Variants in MARCHF1 observed in about 807,000 individuals in gnomAD.
The protein encoded by MARCHF1 is E3 ubiquitin-protein ligase MARCHF1.
In MARCHF1, 40 loss-of-function variants were observed where a neutral mutation model predicts 54.2. The ratio of observed to expected loss-of-function variants is 0.74; its 90% CI spans 0.57 to 0.96. The LOEUF is 0.96. Ranked by LOEUF, MARCHF1 falls within the 40% of genes least tolerant of loss-of-function variation. The pLI is 0.00. For synonymous variants in MARCHF1, 236 were observed against 236.3 expected, an observed-to-expected ratio of 1.00 and a Z score of 0.01; for missense variants, 586 against 656.5, an observed-to-expected ratio of 0.89 and a Z score of 1.17.
intron 1 of MARCHF1, among the ~76,000 whole-genome samples, chr4:164,208,111 G>C (rs368898890): frequency 3.9e-5 from 6 of 152,264 alleles, no homozygotes; most frequent in African/African-American, 1.2e-4. Context: ...TGATGTCAAG[G>C]AGCTCTGTGT....
chr4:163,723,839 G>A (rs1335988340), intron 4 of MARCHF1, among the ~76,000 whole-genome samples: 1 of 152,102 alleles, frequency 6.6e-6, no homozygotes, highest in Admixed American at 6.6e-5. Flanking sequence ...TTGTGCATTT[G>A]TCACGTAGTT....
chr4:163,946,970 T>C (rs1752038315), intron 3 of MARCHF1, among the ~76,000 whole-genome samples: 1 of 152,202 alleles, frequency 6.6e-6, no homozygotes, highest in Admixed American at 6.5e-5. Flanking sequence ...AGAATTCTTG[T>C]TTACAGATTT....
intron 1 of MARCHF1, among the ~76,000 whole-genome samples, chr4:164,150,312 C>T (rs1462398939): frequency 6.6e-6 from 1 of 152,226 alleles, no homozygotes; most frequent in South Asian, 2.1e-4. Context: ...AAGTAAAGCA[C>T]TAATTTCAAG....
At chr4:163,720,498 C>A (rs996928631) in intron 4 of MARCHF1, among the ~76,000 whole-genome samples, 4 of 152,092 alleles carry the variant, frequency 2.6e-5, no homozygotes, top group Non-Finnish European at 5.9e-5. Flanking sequence ...TTAAGATTGT[C>A]TTGGCAATGT....
chr4:164,331,694 A>G (rs1735437993), intron 1 of MARCHF1, among the ~76,000 whole-genome samples: 2 of 152,302 alleles, frequency 1.3e-5, no homozygotes, highest in South Asian at 4.1e-4. Flanking sequence ...TGTGTATATA[A>G]ATACATCTAC....
At chr4:164,098,366 T>C (rs781513624) in intron 2 of MARCHF1, among the ~76,000 whole-genome samples, 1 of 152,180 alleles carries the variant, frequency 6.6e-6, no homozygotes, top group Non-Finnish European at 1.5e-5. Flanking sequence ...AAGACAACCC[T>C]GAAATAGAGA....
chr4:164,175,484 T>C (rs1206944215), intron 1 of MARCHF1, among the ~76,000 whole-genome samples: 1 of 152,228 alleles, frequency 6.6e-6, no homozygotes, highest in African/African-American at 2.4e-5. Flanking sequence ...TTATGATAGT[T>C]AATTCTATGT....
At chr4:163,870,945 A>G (rs577886190) in intron 3 of MARCHF1, among the ~76,000 whole-genome samples, 1 of 152,316 alleles carries the variant, frequency 6.6e-6, no homozygotes, top group African/African-American at 2.4e-5. Context: ...ATAATTAACA[A>G]TAATTTATCG....
intron 2 of MARCHF1, among the ~76,000 whole-genome samples, chr4:164,026,978 C>T (rs1210108880): frequency 6.6e-6 from 1 of 151,770 alleles, no homozygotes; most frequent in Non-Finnish European, 1.5e-5. Flanking sequence ...TAATATAATC[C>T]CATTTACAAT....
chr4:164,154,121 T>C (rs551436212), intron 1 of MARCHF1, among the ~76,000 whole-genome samples: 66 of 152,384 alleles, frequency 4.3e-4, no homozygotes, highest in African/African-American at 1.5e-3. Flanking sequence ...TGTTTACATG[T>C]ACTTCTGTGT....
intron 1 of MARCHF1, among the ~76,000 whole-genome samples, chr4:164,266,241 T>C (rs897559685): frequency 9.9e-5 from 15 of 152,218 alleles, no homozygotes; most frequent in African/African-American, 3.6e-4. Flanking sequence ...CAGGTCTTGA[T>C]AGGTCTCTTG....
intron 4 of MARCHF1, among the ~76,000 whole-genome samples, chr4:163,758,661 C>A (rs1011341384): frequency 1.2e-4 from 18 of 152,138 alleles, no homozygotes; most frequent in African/African-American, 4.3e-4. Flanking sequence ...GGTTAATACA[C>A]ATGTTGTAAC....
At chr4:164,110,714 C>CA (rs35186144) in intron 2 of MARCHF1, among the ~76,000 whole-genome samples, 347 of 146,076 alleles carry the variant, frequency 2.4e-3, no homozygotes, top group Middle Eastern at 6.9e-3. Flanking sequence ...AATGAAAAGC[C>CA]AAAAAAAAAA....
intron 5 of MARCHF1, 46 bp from the exon 6 acceptor site, chr4:163,613,439 C>T (rs189099375): frequency 6.2e-7 from 1 of 1,612,894 alleles, no homozygotes; most frequent in African/African-American, 1.3e-5. Flanking sequence ...TAAGGTAATA[C>T]ATGGTTGATA....
intron 2 of MARCHF1, among the ~76,000 whole-genome samples, chr4:163,989,457 A>G (rs573664618): frequency 3.3e-5 from 5 of 152,172 alleles, no homozygotes; most frequent in Non-Finnish European, 7.3e-5. Flanking sequence ...AGAGCTCTAT[A>G]CTACTCATTT....
chr4:163,550,281 C>CAA (rs60320461), intron 8 of MARCHF1, among the ~76,000 whole-genome samples: 45 of 105,100 alleles, frequency 4.3e-4, no homozygotes, highest in African/African-American at 5.3e-4. Context: ...GACTCCGTCT[C>CAA]AAAAAAAAAA....
intron 4 of MARCHF1, among the ~76,000 whole-genome samples, chr4:163,725,353 C>G (rs1323005812): frequency 6.6e-6 from 1 of 151,888 alleles, no homozygotes; most frequent in Non-Finnish European, 1.5e-5. Context: ...TGGCATGCAC[C>G]TGTAATCCCA....
chr4:163,869,748 C>T (rs1344198528), intron 3 of MARCHF1, among the ~76,000 whole-genome samples: 2 of 152,026 alleles, frequency 1.3e-5, no homozygotes, highest in African/African-American at 4.8e-5. Flanking sequence ...TTCTATATTA[C>T]ATGGAGTTTA....
chr4:163,589,089 G>T (rs1362233506), intron 7 of MARCHF1, among the ~76,000 whole-genome samples: 3 of 140,118 alleles, frequency 2.1e-5, no homozygotes, highest in African/African-American at 2.7e-5. Flanking sequence ...AAAAAAAACT[G>T]CAGGTAATGC....
Sources: gnomAD v4.1 joint callset for allele counts (sites outside exome capture counted in the v4.1 genomes callset) on GRCh38, gnomAD v4.1.1 for gene constraint, MANE v1.5 for transcripts, NCBI Gene and HGNC (gene_info 2026-07-23, HGNC 2026-07-21) for gene names.